The following STPG2 variants were observed in gnomAD, a reference collection of about 807,000 sequenced individuals.
The protein encoded by STPG2 is sperm tail PG-rich repeat containing 2, also known as sperm-tail PG-rich repeat-containing protein 2.
In STPG2, 56 loss-of-function variants were observed where a neutral mutation model predicts 54.2. The ratio of observed to expected loss-of-function variants is 1.03; its 90% CI spans 0.83 to 1.29. The LOEUF (loss-of-function observed/expected upper bound fraction) is 1.29. Among genes scored for constraint, STPG2 ranks in the 50% most tolerant of loss-of-function variants. STPG2 has a pLI of 0.00. For synonymous variants in STPG2, 200 were observed against 181.8 expected (o/e 1.10, Z -0.81); for missense variants, 596 against 544.9 (o/e 1.09, Z -0.93).
intron 5 of STPG2, among the ~76,000 whole-genome samples, chr4:98,092,054 C>T (rs1313420801): frequency 6.6e-6 from 1 of 152,018 alleles, no homozygotes; most frequent in East Asian, 1.9e-4. Context: ...TCACTCAGTG[C>T]AGTACAAACT....
At chr4:97,843,594 A>T (rs969827480) in intron 8 of STPG2, among the ~76,000 whole-genome samples, 3 of 151,888 alleles carry the variant, frequency 2.0e-5, no homozygotes, top group African/African-American at 7.2e-5. Context: ...CTGAAGAGAG[A>T]TGCTAATGGG....
chr4:97,821,538 C>T (rs979044015), intron 9 of STPG2, among the ~76,000 whole-genome samples: 1 of 152,170 alleles, frequency 6.6e-6, no homozygotes. Flanking sequence ...CTGTGTGGGG[C>T]CTCCAACCCC....
At chr4:97,447,799 G>A (rs1319624463) in intron 4 of STPG2, among the ~76,000 whole-genome samples, 1 of 152,200 alleles carries the variant, frequency 6.6e-6, no homozygotes, top group Non-Finnish European at 1.5e-5. Context: ...CAGTGTGGAA[G>A]GGAAATGTAG....
At chr4:97,550,494 A>G (rs1731940935) in intron 4 of STPG2, among the ~76,000 whole-genome samples, 1 of 152,220 alleles carries the variant, frequency 6.6e-6, no homozygotes, top group Non-Finnish European at 1.5e-5. Flanking sequence ...GGAATAGCCT[A>G]GTTTAGAAAA....
At chr4:97,446,652 T>C (rs1436158999) in intron 4 of STPG2, among the ~76,000 whole-genome samples, 1 of 152,112 alleles carries the variant, frequency 6.6e-6, no homozygotes, top group East Asian at 1.9e-4. Flanking sequence ...TCTCATGACA[T>C]TGACTAAGTT....
At chr4:97,596,232 C>T (rs1733290171) in intron 10 of STPG2, among the ~76,000 whole-genome samples, 1 of 152,132 alleles carries the variant, frequency 6.6e-6, no homozygotes, top group African/African-American at 2.4e-5. Context: ...AATATATTTG[C>T]ATCCAATACA....
rs983099809 is a variant in STPG2 at position 97,840,810 on chromosome 4, T to G, written c.1167A>C (p.Ala389=). The change falls in exon 9 of 11, where the codon GCA becomes GCC. Residue 389 remains alanine (A), a synonymous_variant. Coordinates refer to ENST00000295268, the MANE Select transcript of STPG2 (RefSeq NM_174952.3). ...AKRKHASFLS[A]TPRCLEKVTD... The stretch of plus-strand genomic sequence containing the variant: ...TCACTTTTTCTAGGCACCGAGGAGT[T>G]GCACTAAGAAAAGAGGCATGTTTTC... 3 of 1,611,870 alleles carry G rather than the reference T, an allele frequency of 1.9e-6. No individual in the cohort carries two copies. The African/African-American group carries it at 4.0e-5, about 22-fold the overall frequency.
chr4:97,648,054 T>C (rs1361711232), intron 10 of STPG2, among the ~76,000 whole-genome samples: 1 of 152,094 alleles, frequency 6.6e-6, no homozygotes, highest in East Asian at 1.9e-4. Context: ...GGTCCTAAAG[T>C]CTCCCCACTT....
At chr4:97,668,631 A>G (rs552916104) in intron 10 of STPG2, among the ~76,000 whole-genome samples, 1 of 144,046 alleles carries the variant, frequency 6.9e-6, no homozygotes, top group African/African-American at 2.5e-5. Context: ...GAATAAAGGA[A>G]GGAAGGAAAG....
chr4:98,010,680 T>G (rs968818669), intron 5 of STPG2, among the ~76,000 whole-genome samples: 2 of 152,110 alleles, frequency 1.3e-5, no homozygotes, highest in Non-Finnish European at 2.9e-5. Flanking sequence ...TTTTGCTGAT[T>G]TTTTTCTGGT....
intron 8 of STPG2, among the ~76,000 whole-genome samples, chr4:97,845,154 A>G (rs1728911545): frequency 6.6e-6 from 1 of 151,416 alleles, no homozygotes; most frequent in Non-Finnish European, 1.5e-5. Flanking sequence ...CATATCTAAT[A>G]AGTTTTTTTT....
chr4:97,856,190 C>G (rs1484367484), intron 8 of STPG2, among the ~76,000 whole-genome samples: 1 of 152,114 alleles, frequency 6.6e-6, no homozygotes, highest in Non-Finnish European at 1.5e-5. Context: ...ATAGTTTTCT[C>G]TAATTCTGCG....
chr4:97,623,085 C>T (rs1041638207), intron 10 of STPG2, among the ~76,000 whole-genome samples: 1 of 151,934 alleles, frequency 6.6e-6, no homozygotes, highest in Non-Finnish European at 1.5e-5. Flanking sequence ...AAAACTGGAC[C>T]CTTTCATACA....
At position 97,742,087 on chromosome 4, in the gene STPG2, C is replaced by T. The variant is rs1427714890; in HGVS notation, c.1205-29273G>A. ...TAGGGACATGGATGAAATTGGAAAT[C>T]ATCATTCTCAGTAAACTATCGCAAG... On this transcript the variant is annotated intron_variant, in intron 9 of 10. Transcript: ENST00000295268. 4.0e-5 allele frequency among the ~76,000 whole-genome samples: 6 copies of T among 151,866 alleles called. No individual in the cohort carries two copies. The East Asian group carries it at 9.7e-4, about 24-fold the overall frequency.
chr4:97,778,767 A>G (rs915814323), intron 9 of STPG2, among the ~76,000 whole-genome samples: 1 of 152,194 alleles, frequency 6.6e-6, no homozygotes, highest in Non-Finnish European at 1.5e-5. Flanking sequence ...AACATTTGCT[A>G]TTCAGCAATA....
rs188578124 is a variant in STPG2, at chr4:97,723,710, T to C, written c.1205-10896A>G. On this transcript the variant is annotated intron_variant, in intron 9 of 10. Transcript: ENST00000295268. ...AAGGTTTAATTGACTCACATTTCCA[T>C]GTGGCTAGGGAGGCCTCAGGAAATG... Among the ~76,000 whole-genome samples the C allele has an allele frequency of 1.6e-3, 237 of 152,274 alleles. 1 individual carries two copies. The highest frequency in any genetic ancestry group is 5.4e-3 in the African/African-American group (226 of 41,554).
intron 10 of STPG2, among the ~76,000 whole-genome samples, chr4:97,684,000 C>T (rs1264217617): frequency 6.6e-6 from 1 of 151,704 alleles, no homozygotes; most frequent in East Asian, 1.9e-4. Flanking sequence ...AACACAATGC[C>T]ATTTATATTA....
intron 9 of STPG2, among the ~76,000 whole-genome samples, chr4:97,814,101 G>A (rs906110037): frequency 2.6e-5 from 4 of 152,104 alleles, no homozygotes; most frequent in Non-Finnish European, 5.9e-5. Context: ...GGATCTGATA[G>A]TTCCTCCAAA....
At chr4:98,074,950 T>C (rs992103150) in intron 5 of STPG2, among the ~76,000 whole-genome samples, 1 of 126,414 alleles carries the variant, frequency 7.9e-6, no homozygotes, top group Non-Finnish European at 1.8e-5. Context: ...CAGAAAAAAA[T>C]ATAAACTCTG....
Sources: gnomAD v4.1 joint callset for allele counts (sites outside exome capture counted in the v4.1 genomes callset) on GRCh38, gnomAD v4.1.1 for gene constraint, MANE v1.5 for transcripts, NCBI Gene and HGNC (gene_info 2026-07-23, HGNC 2026-07-21) for gene names.